Variants in SHC4 observed in about 807,000 individuals in gnomAD.
The protein encoded by SHC4 is SHC-transforming protein 4.
Under a neutral mutation model 69.4 loss-of-function variants are expected in SHC4, and 41 were observed. That is an observed-to-expected ratio of 0.59 (90% CI 0.46 to 0.77). SHC4 has a LOEUF of 0.77. SHC4 is among the 30% of genes least tolerant of loss of function. The probability of loss-of-function intolerance (pLI) is 0.00; values close to 1 mark genes in which losing one functional copy is unlikely to be tolerated. For missense variants in SHC4, 777 were observed against 783.8 expected (o/e 0.99, Z 0.10); for synonymous variants, 318 against 299.3 (o/e 1.06, Z -0.64).
At chr15:48,849,725 C>T (rs984028580) in intron 9 of SHC4, among the ~76,000 whole-genome samples, 10 of 151,954 alleles carry the variant, frequency 6.6e-5, no homozygotes, top group Middle Eastern at 3.2e-3. Context: ...TCCAGGATGA[C>T]GGAAAGGAGA....
intron 2 of SHC4, among the ~76,000 whole-genome samples, chr15:48,907,672 T>C (rs1261074192): frequency 6.6e-6 from 1 of 152,000 alleles, no homozygotes; most frequent in Non-Finnish European, 1.5e-5. Context: ...TGGTTTTCCA[T>C]TCCTGAGTTA....
At chr15:48,952,545 T>C (rs1441330069) in intron 1 of SHC4, among the ~76,000 whole-genome samples, 1 of 151,646 alleles carries the variant, frequency 6.6e-6, no homozygotes, top group East Asian at 1.9e-4. Context: ...CCAACAAAGG[T>C]CTAGTACTCA....
At chr15:48,833,572 G>A (rs147453237) in intron 11 of SHC4, among the ~76,000 whole-genome samples, 9 of 152,260 alleles carry the variant, frequency 5.9e-5, no homozygotes, top group African/African-American at 2.2e-4. Flanking sequence ...GTACTGAGGA[G>A]TGCCAGCTGC....
chr15:48,917,164 A>AT (rs550219164), intron 2 of SHC4, among the ~76,000 whole-genome samples: 1 of 150,980 alleles, frequency 6.6e-6, no homozygotes. Flanking sequence ...GAGAAGGAAG[A>AT]TTTTTTTTCT....
chr15:48,877,421 A>C, intron 4 of SHC4: 1 of 975,026 alleles, frequency 1.0e-6, no homozygotes, highest in African/African-American at 1.8e-5. Context: ...AATTCATATA[A>C]GTATATACAA....
At chr15:48,836,752 G>A (rs1037217878) in intron 10 of SHC4, among the ~76,000 whole-genome samples, 12 of 152,078 alleles carry the variant, frequency 7.9e-5, no homozygotes, top group Non-Finnish European at 1.8e-4. Flanking sequence ...TGCTGTAGTC[G>A]TAATTCAATT....
chr15:48,937,355 G>T (rs184874334), intron 1 of SHC4, among the ~76,000 whole-genome samples: 1 of 152,036 alleles, frequency 6.6e-6, no homozygotes, highest in Admixed American at 6.6e-5. Context: ...GAGCCACCAC[G>T]CCTGGCCCTG....
At chr15:48,853,104 C>T (rs1305233868) in intron 8 of SHC4, among the ~76,000 whole-genome samples, 1 of 151,886 alleles carries the variant, frequency 6.6e-6, no homozygotes, top group Non-Finnish European at 1.5e-5. Context: ...TGCCAAAAGG[C>T]TCCTGGAACT....
intron 4 of SHC4, among the ~76,000 whole-genome samples, chr15:48,881,804 G>A (rs1244066805): frequency 1.3e-5 from 2 of 152,140 alleles, no homozygotes; most frequent in Non-Finnish European, 2.9e-5. Context: ...TTGCAAAAAT[G>A]TATTCCCATC....
At chr15:48,923,401 T>C (rs1316272811) in intron 2 of SHC4, among the ~76,000 whole-genome samples, 2 of 151,724 alleles carry the variant, frequency 1.3e-5, no homozygotes, top group Non-Finnish European at 2.9e-5. Flanking sequence ...AAATATGAAA[T>C]TAGCCGGGTG....
At chr15:48,852,911 T>C (rs1291208080) in intron 8 of SHC4, among the ~76,000 whole-genome samples, 17 of 95,106 alleles carry the variant, frequency 1.8e-4, no homozygotes, top group South Asian at 6.7e-4. Context: ...CAAAAAAATA[T>C]ATAAAAATAA....
intron 10 of SHC4, among the ~76,000 whole-genome samples, chr15:48,837,115 G>T (rs936974020): frequency 2.0e-5 from 3 of 152,166 alleles, no homozygotes; most frequent in Non-Finnish European, 4.4e-5. Context: ...ATGCGTGATG[G>T]CTTTTGGTCT....
In SHC4 at chr15:48,926,539, T is replaced by C. The variant is rs538599008; in HGVS notation, c.586-1590A>G. ...GTGCAGTGGCACGATCTTGGCTCAC[T>C]GCAACCGCTGCCTCCCAAATTCAAG... On this transcript the variant is annotated intron_variant, in intron 1 of 11. Coordinates refer to ENST00000332408, the MANE Select transcript of SHC4 (RefSeq NM_203349.4). Among the ~76,000 whole-genome samples the C allele has an allele frequency of 1.8e-4, 28 of 152,150 alleles. No homozygotes were observed. The South Asian group carries it at 5.4e-3, about 29-fold the overall frequency.
intron 4 of SHC4, chr15:48,878,744 G>C: frequency 1.2e-6 from 2 of 1,605,922 alleles, no homozygotes; most frequent in South Asian, 1.1e-5. Context: ...AGAGTAGTTA[G>C]ATGCTGTTAA....
At chr15:48,916,626 G>A (rs981821131) in intron 2 of SHC4, among the ~76,000 whole-genome samples, 2 of 150,794 alleles carry the variant, frequency 1.3e-5, no homozygotes, top group South Asian at 2.1e-4. Flanking sequence ...GATACACCAC[G>A]AGGCACAGGT....
chr15:48,930,681 A>G (rs1282123644), intron 1 of SHC4, among the ~76,000 whole-genome samples: 2 of 152,212 alleles, frequency 1.3e-5, no homozygotes, highest in African/African-American at 4.8e-5. Flanking sequence ...ACTGAAGAAC[A>G]GTATATAATC....
intron 1 of SHC4, among the ~76,000 whole-genome samples, chr15:48,940,981 G>A (rs1034856389): frequency 6.6e-5 from 10 of 152,200 alleles, no homozygotes; most frequent in African/African-American, 2.4e-4. Context: ...AGAGTTGTCT[G>A]TACCTGGAGC....
intron 11 of SHC4, among the ~76,000 whole-genome samples, chr15:48,833,600 T>C (rs1384086839): frequency 2.0e-5 from 3 of 152,210 alleles, no homozygotes; most frequent in Non-Finnish European, 2.9e-5. Context: ...TATCCTGTGC[T>C]CTTCTTTGTT....
intron 6 of SHC4, among the ~76,000 whole-genome samples, chr15:48,859,810 C>A (rs7169897): frequency 6.6e-6 from 1 of 152,010 alleles, no homozygotes; most frequent in Non-Finnish European, 1.5e-5. Flanking sequence ...CTAGTCAGGC[C>A]TCATATCCGG....
Sources: allele counts gnomAD v4.1 joint callset (sites outside exome capture counted in the v4.1 genomes callset), GRCh38; gene constraint gnomAD v4.1.1; transcripts MANE v1.5; gene names NCBI Gene and HGNC (gene_info 2026-07-23, HGNC 2026-07-21).